The following PTPRD variants were observed in gnomAD, a reference collection of about 807,000 sequenced individuals.
PTPRD encodes receptor-type tyrosine-protein phosphatase delta.
A neutral mutation model predicts 214.5 loss-of-function variants in PTPRD; 34 were observed. That is an observed-to-expected ratio of 0.16 (90% CI 0.12 to 0.21). PTPRD has a LOEUF of 0.21. PTPRD is among the 10% of genes least tolerant of loss of function. The pLI, the probability that PTPRD is intolerant of heterozygous loss-of-function variation, is 1.00. For synonymous variants in PTPRD, 1,128 were observed against 845.7 expected (o/e 1.33, Z -5.79); for missense variants, 2,545 against 2,398.7 (o/e 1.06, Z -1.27).
chr9:8,563,945 C>T (rs1262915812), intron 14 of PTPRD, among the ~76,000 whole-genome samples: 4 of 152,174 alleles, frequency 2.6e-5, no homozygotes, highest in South Asian at 4.1e-4. Flanking sequence ...GGATTGCAGG[C>T]GTGAGGCATT....
At chr9:8,334,612 AC>A (rs1346705826) in intron 43 of PTPRD, among the ~76,000 whole-genome samples, 1 of 123,036 alleles carries the variant, frequency 8.1e-6, no homozygotes, top group African/African-American at 3.3e-5. Context: ...CGACACCCTA[AC>A]ATCACAATTG....
At chr9:9,652,067 T>A (rs1476524277) in intron 7 of PTPRD, among the ~76,000 whole-genome samples, 1 of 152,016 alleles carries the variant, frequency 6.6e-6, no homozygotes, top group Non-Finnish European at 1.5e-5. Flanking sequence ...GGGCTCAATC[T>A]ACTGACCTCG....
intron 44 of PTPRD, among the ~76,000 whole-genome samples, chr9:8,329,101 G>A (rs972264071): frequency 6.6e-6 from 1 of 152,118 alleles, no homozygotes; most frequent in Non-Finnish European, 1.5e-5. Context: ...CTTTGGAGGA[G>A]AAGAGGCGTG....
At chr9:8,969,219 C>T (rs1389792019) in intron 11 of PTPRD, among the ~76,000 whole-genome samples, 13 of 151,904 alleles carry the variant, frequency 8.6e-5, no homozygotes, top group East Asian at 5.8e-4. Context: ...ATTAAAAAGC[C>T]GAATCGTGCC....
chr9:10,251,941 A>AATGTATTG (rs2092810334), intron 3 of PTPRD, among the ~76,000 whole-genome samples: 1 of 152,148 alleles, frequency 6.6e-6, no homozygotes, highest in Admixed American at 6.5e-5. Flanking sequence ...AATTAATAAT[A>AATGTATTG]ATGTATTGTA....
At chr9:9,047,332 A>C (rs2099674719) in intron 10 of PTPRD, among the ~76,000 whole-genome samples, 1 of 152,126 alleles carries the variant, frequency 6.6e-6, no homozygotes, top group African/African-American at 2.4e-5. Context: ...TACTACCCAA[A>C]GCAATCTATA....
chr9:10,474,276 G>A (rs1257041371), intron 2 of PTPRD, among the ~76,000 whole-genome samples: 1 of 150,150 alleles, frequency 6.7e-6, no homozygotes, highest in African/African-American at 2.5e-5. Flanking sequence ...CAAAATAAAG[G>A]GATGGAGGAA....
chr9:9,536,906 G>A (rs1328612858), intron 8 of PTPRD, among the ~76,000 whole-genome samples: 2 of 152,014 alleles, frequency 1.3e-5, no homozygotes, highest in African/African-American at 2.4e-5. Context: ...AGTTATGGAA[G>A]TGAGTGGAAA....
intron 2 of PTPRD, among the ~76,000 whole-genome samples, chr9:10,555,101 G>C (rs1473942972): frequency 6.6e-6 from 1 of 152,046 alleles, no homozygotes; most frequent in Non-Finnish European, 1.5e-5. Context: ...CTTTGTAAAA[G>C]ATCAGTTAAA....
At chr9:8,932,440 T>A (rs2154283147) in intron 11 of PTPRD, among the ~76,000 whole-genome samples, 1 of 152,274 alleles carries the variant, frequency 6.6e-6, no homozygotes, top group Middle Eastern at 3.4e-3. Context: ...CAGGAGCAGG[T>A]TGTTCAGTTT....
At chr9:8,813,711 C>A (rs905520308) in intron 11 of PTPRD, among the ~76,000 whole-genome samples, 3 of 152,172 alleles carry the variant, frequency 2.0e-5, no homozygotes, top group African/African-American at 7.2e-5. Flanking sequence ...AGGCTCGCTT[C>A]TCTTAAAAAA....
chr9:10,065,224 T>G (rs370580730), intron 3 of PTPRD, among the ~76,000 whole-genome samples: 2 of 125,316 alleles, frequency 1.6e-5, no homozygotes, highest in Non-Finnish European at 3.5e-5. Flanking sequence ...CAGAAACTTA[T>G]CATTTCCAGT....
intron 11 of PTPRD, among the ~76,000 whole-genome samples, chr9:8,947,502 C>G (rs1187052272): frequency 1.3e-5 from 2 of 149,388 alleles, no homozygotes; most frequent in Non-Finnish European, 3.0e-5. Context: ...AAAAAAGTTA[C>G]TATGGTAAGG....
intron 3 of PTPRD, among the ~76,000 whole-genome samples, chr9:10,085,256 G>C (rs2098314628): frequency 6.6e-6 from 1 of 151,790 alleles, no homozygotes; most frequent in Non-Finnish European, 1.5e-5. Context: ...GACGTGGCGA[G>C]AATTTTTTAA....
chr9:10,161,402 C>T (rs2099126435), intron 3 of PTPRD, among the ~76,000 whole-genome samples: 1 of 151,722 alleles, frequency 6.6e-6, no homozygotes, highest in African/African-American at 2.4e-5. Flanking sequence ...TAGGCATTTA[C>T]CACCAATTCA....
intron 5 of PTPRD, among the ~76,000 whole-genome samples, chr9:9,810,903 A>G (rs2046933965): frequency 6.6e-6 from 1 of 151,602 alleles, no homozygotes. Flanking sequence ...GCCAGTAAGA[A>G]CATTTGTGAT....
At chr9:8,550,543 A>G (rs754959087) in intron 14 of PTPRD, among the ~76,000 whole-genome samples, 1 of 152,230 alleles carries the variant, frequency 6.6e-6, no homozygotes, top group Non-Finnish European at 1.5e-5. Context: ...TATCTACCAT[A>G]CACACAAACA....
chr9:9,621,499 C>A (rs1243143199), intron 7 of PTPRD, among the ~76,000 whole-genome samples: 1 of 152,126 alleles, frequency 6.6e-6, no homozygotes. Flanking sequence ...TAAATTATTA[C>A]CAAAACAACT....
chr9:8,909,864 G>T (rs1296443290), intron 11 of PTPRD, among the ~76,000 whole-genome samples: 1 of 74,326 alleles, frequency 1.3e-5, no homozygotes, highest in Non-Finnish European at 3.1e-5. Flanking sequence ...AGATATTAAA[G>T]GCAAAAAAAA....
Sources: allele counts gnomAD v4.1 joint callset (sites outside exome capture counted in the v4.1 genomes callset), GRCh38; gene constraint gnomAD v4.1.1; transcripts MANE v1.5; gene names NCBI Gene and HGNC (gene_info 2026-07-23, HGNC 2026-07-21).